Variants in CC2D2A observed in about 807,000 individuals in gnomAD.
CC2D2A encodes coiled-coil and C2 domain-containing protein 2A.
Under a neutral mutation model 212.9 loss-of-function variants are expected in CC2D2A, and 155 were observed. That is an observed-to-expected ratio of 0.73 (90% CI 0.64 to 0.83). The LOEUF (loss-of-function observed/expected upper bound fraction) is 0.83, where lower values mean the gene tolerates loss of function less well. CC2D2A is among the 40% of genes least tolerant of loss of function. The pLI is 0.00. For synonymous variants in CC2D2A, 667 were observed against 686.5 expected, an observed-to-expected ratio of 0.97 and a Z score of 0.44; for missense variants, 1,856 against 1,956.2, an observed-to-expected ratio of 0.95 and a Z score of 0.97.
chr4:15,574,145 C>A lies in CC2D2A; in HGVS notation c.3595-5C>A. 1 of 1,534,232 alleles carries A rather than the reference C, an allele frequency of 6.5e-7. No homozygotes were observed. Among genetic ancestry groups the A allele is most frequent in the Non-Finnish European group, 8.8e-7 (1 of 1,137,412 alleles). ...GATGTTTACCAAGTCATATTTTCTT[C>A]ACAGATTGATGGAACATTTAAAATA... is the stretch of plus-strand genomic sequence containing the variant. On this transcript the variant is annotated splice_polypyrimidine_tract_variant and splice_region_variant and intron_variant, in intron 28 of 36. Coordinates refer to ENST00000424120, the MANE Select transcript of CC2D2A (RefSeq NM_001378615.1).
chr4:15,499,807 G>A (rs760340049), intron 4 of CC2D2A, among the ~76,000 whole-genome samples: 9 of 152,064 alleles, frequency 5.9e-5, no homozygotes, highest in Non-Finnish European at 1.3e-4. Flanking sequence ...ACAGAGGAAA[G>A]CATTGGCAAG....
intron 3 of CC2D2A, among the ~76,000 whole-genome samples, chr4:15,480,042 A>G (rs1369666567): frequency 6.6e-6 from 1 of 152,208 alleles, no homozygotes; most frequent in African/African-American, 2.4e-5. Context: ...ATCCCGGGCC[A>G]TCTATTTACG....
chr4:15,558,390 G>GTCAC, intron 21 of CC2D2A, among the ~76,000 whole-genome samples: 2 of 152,166 alleles, frequency 1.3e-5, no homozygotes, highest in Non-Finnish European at 2.9e-5. Context: ...ACTGGATGAT[G>GTCAC]AAATCTCAAA....
chr4:15,589,782 T>G (rs910097618), intron 33 of CC2D2A, 103 bp downstream of exon 33: 9 of 342,344 alleles, frequency 2.6e-5, no homozygotes, highest in Non-Finnish European at 3.8e-5. Context: ...TTTATATAAA[T>G]GAATATATAT....
intron 28 of CC2D2A, among the ~76,000 whole-genome samples, chr4:15,571,534 C>T (rs1301326308): frequency 6.6e-6 from 1 of 150,788 alleles, no homozygotes; most frequent in Non-Finnish European, 1.5e-5. Flanking sequence ...ACCCGGGAGG[C>T]AGAGCTTGCA....
At chr4:15,509,509 G>A (rs1716441373) in intron 6 of CC2D2A, among the ~76,000 whole-genome samples, 2 of 152,136 alleles carry the variant, frequency 1.3e-5, no homozygotes, top group Non-Finnish European at 2.9e-5. Context: ...CCTGACCTCA[G>A]GTGATCTGCC....
chr4:15,479,245 C>G (rs569634807), intron 3 of CC2D2A: 45 of 1,537,072 alleles, frequency 2.9e-5, no homozygotes, highest in Non-Finnish European at 3.7e-5. Flanking sequence ...TTCTCCCGAG[C>G]CTGCTGGCAG....
intron 29 of CC2D2A, among the ~76,000 whole-genome samples, chr4:15,578,744 G>C (rs1221742717): frequency 6.6e-6 from 1 of 151,930 alleles, no homozygotes; most frequent in Non-Finnish European, 1.5e-5. Context: ...CCCTACCTTA[G>C]CCTCCCAAGT....
intron 14 of CC2D2A, among the ~76,000 whole-genome samples, chr4:15,535,284 TC>T (rs1222594569): frequency 6.6e-6 from 1 of 151,836 alleles, no homozygotes; most frequent in Non-Finnish European, 1.5e-5. Context: ...TCTCCCTCCC[TC>T]CCATCATCCC....
chr4:15,539,549 G>C (rs1302573514), intron 16 of CC2D2A, among the ~76,000 whole-genome samples: 1 of 152,026 alleles, frequency 6.6e-6, no homozygotes, highest in Admixed American at 6.5e-5. Context: ...TCTAATGATT[G>C]ATTTATTCTA....
At chr4:15,576,895 C>G (rs1720438884) in intron 29 of CC2D2A, among the ~76,000 whole-genome samples, 1 of 152,238 alleles carries the variant, frequency 6.6e-6, no homozygotes, top group Non-Finnish European at 1.5e-5. Flanking sequence ...TAGCTCTACT[C>G]TTTGCAAATC....
At chr4:15,545,992 C>A (rs182707412) in intron 17 of CC2D2A, among the ~76,000 whole-genome samples, 23 of 152,178 alleles carry the variant, frequency 1.5e-4, no homozygotes, top group African/African-American at 4.8e-4. Context: ...TACCTCTAGT[C>A]CCAGCTACTT....
chr4:15,533,513 C>G, intron 14 of CC2D2A, 180 bp downstream of exon 14: 1 of 454,342 alleles, frequency 2.2e-6, no homozygotes, highest in South Asian at 3.9e-5. Flanking sequence ...TCCTCAATCC[C>G]CAAAATAACA....
At chr4:15,510,529 G>A (rs550991407) in intron 7 of CC2D2A, among the ~76,000 whole-genome samples, 4 of 152,158 alleles carry the variant, frequency 2.6e-5, no homozygotes, top group Non-Finnish European at 4.4e-5. Flanking sequence ...CCATGAGGTC[G>A]AAGCTGCAGT....
intron 8 of CC2D2A, among the ~76,000 whole-genome samples, chr4:15,512,282 T>A (rs1716611799): frequency 6.6e-6 from 1 of 152,188 alleles, no homozygotes; most frequent in Non-Finnish European, 1.5e-5. Context: ...AGCAGCATTA[T>A]TCACAAAAGC....
chr4:15,494,395 G>A (rs1201209358), intron 4 of CC2D2A, among the ~76,000 whole-genome samples: 2 of 152,100 alleles, frequency 1.3e-5, no homozygotes, highest in Admixed American at 1.3e-4. Flanking sequence ...AGTGAGCCTG[G>A]GAGAACTAGA....
At chr4:15,530,263 G>T (rs866286669) in intron 13 of CC2D2A, among the ~76,000 whole-genome samples, 1 of 152,172 alleles carries the variant, frequency 6.6e-6, no homozygotes, top group Non-Finnish European at 1.5e-5. Flanking sequence ...GAGCCACCGC[G>T]CCCGGCCAGA....
At chr4:15,532,165 T>C (rs1397075297) in intron 13 of CC2D2A, among the ~76,000 whole-genome samples, 1 of 152,222 alleles carries the variant, frequency 6.6e-6, no homozygotes. Flanking sequence ...GCTTTACTGG[T>C]CCTCAAAGAG....
At chr4:15,587,364 G>C (rs1424229115) in intron 31 of CC2D2A, among the ~76,000 whole-genome samples, 1 of 152,140 alleles carries the variant, frequency 6.6e-6, no homozygotes, top group Admixed American at 6.5e-5. Flanking sequence ...GGGGACTGGG[G>C]ACCCTTGCTC....
Sources: allele counts gnomAD v4.1 joint callset (sites outside exome capture counted in the v4.1 genomes callset), GRCh38; gene constraint gnomAD v4.1.1; transcripts MANE v1.5; gene names NCBI Gene and HGNC (gene_info 2026-07-23, HGNC 2026-07-21).